Variants in SPTLC3 observed in about 807,000 individuals in gnomAD.
SPTLC3 encodes serine palmitoyltransferase long chain base subunit 3, also known as serine palmitoyltransferase 3.
In SPTLC3, 36 loss-of-function variants were observed where a neutral mutation model predicts 59.3. That is an observed-to-expected ratio of 0.61 (90% CI 0.47 to 0.80). SPTLC3 has a LOEUF of 0.80. SPTLC3 is among the 30% of genes least tolerant of loss of function. SPTLC3 has a pLI of 0.00. For synonymous variants in SPTLC3, 257 were observed against 240.8 expected (o/e 1.07, Z -0.62); for missense variants, 625 against 685.1 (o/e 0.91, Z 0.98).
At chr20:13,163,893 T>C (rs1267617080) in intron 11 of SPTLC3, among the ~76,000 whole-genome samples, 1 of 152,116 alleles carries the variant, frequency 6.6e-6, no homozygotes, top group Non-Finnish European at 1.5e-5. Context: ...GAATTGAAAA[T>C]GACCTTTTTT....
intron 6 of SPTLC3, among the ~76,000 whole-genome samples, chr20:13,103,510 G>A (rs558737280): frequency 2.0e-5 from 3 of 152,294 alleles, no homozygotes; most frequent in Admixed American, 6.5e-5. Flanking sequence ...TATGAGTGCC[G>A]CTGATAGGCA....
chr20:13,044,969 C>T (rs530342796), intron 1 of SPTLC3, among the ~76,000 whole-genome samples: 1 of 149,676 alleles, frequency 6.7e-6, no homozygotes, highest in South Asian at 2.1e-4. Flanking sequence ...ACATTTTGCT[C>T]TACATTATGG....
At chr20:13,089,694 G>C (rs1600268285) in intron 4 of SPTLC3, among the ~76,000 whole-genome samples, 1 of 149,732 alleles carries the variant, frequency 6.7e-6, no homozygotes, top group East Asian at 2.0e-4. Context: ...GCTGAGGCAG[G>C]AGAATTGATT....
intron 6 of SPTLC3, among the ~76,000 whole-genome samples, chr20:13,098,012 C>T (rs994618588): frequency 3.9e-5 from 6 of 152,180 alleles, no homozygotes; most frequent in African/African-American, 7.2e-5. Flanking sequence ...GATCATTTCA[C>T]CATAGTCCAG....
intron 7 of SPTLC3, among the ~76,000 whole-genome samples, chr20:13,114,043 G>A (rs1368916183): frequency 6.6e-6 from 1 of 152,160 alleles, no homozygotes; most frequent in African/African-American, 2.4e-5. Flanking sequence ...GGCAGAGCGG[G>A]GATTAAAACC....
At chr20:13,110,433 G>A (rs545282580) in intron 7 of SPTLC3, among the ~76,000 whole-genome samples, 15 of 152,276 alleles carry the variant, frequency 9.9e-5, no homozygotes, top group African/African-American at 2.9e-4. Context: ...GAGGCTGGCC[G>A]GCTTGTGAAG....
intron 6 of SPTLC3, among the ~76,000 whole-genome samples, chr20:13,108,802 A>G (rs1428731735): frequency 6.6e-6 from 1 of 152,094 alleles, no homozygotes; most frequent in African/African-American, 2.4e-5. Context: ...CCTGACCTCA[A>G]AGATTTAGCT....
chr20:13,061,631 CTG>C (rs1374808546), intron 2 of SPTLC3, among the ~76,000 whole-genome samples: 1 of 152,180 alleles, frequency 6.6e-6, no homozygotes, highest in African/African-American at 2.4e-5. Flanking sequence ...TGGACAAAAC[CTG>C]TGAGTCAGCT....
chr20:13,152,965 G>A (rs2038682921), intron 9 of SPTLC3, among the ~76,000 whole-genome samples: 1 of 152,194 alleles, frequency 6.6e-6, no homozygotes, highest in Admixed American at 6.5e-5. Context: ...CTCTAGAGCA[G>A]AATCTCTGAC....
intron 10 of SPTLC3, among the ~76,000 whole-genome samples, chr20:13,155,653 C>A (rs143237097): frequency 9.2e-4 from 140 of 152,046 alleles, no homozygotes; most frequent in African/African-American, 3.3e-3. Flanking sequence ...GGTGAAACCC[C>A]GTGTCTACAA....
At chr20:13,091,251 A>C in intron 5 of SPTLC3, 44 bp downstream of exon 5, 2 of 1,600,754 alleles carry the variant, frequency 1.2e-6, no homozygotes, top group Non-Finnish European at 1.7e-6. Context: ...ATTACTCCTA[A>C]GAACTGTAAC....
chr20:13,029,325 G>T (rs549907048), intron 1 of SPTLC3, among the ~76,000 whole-genome samples: 27 of 152,116 alleles, frequency 1.8e-4, no homozygotes, highest in African/African-American at 6.5e-4. Context: ...ACATCAGTTC[G>T]CTTTTGTTAA....
chr20:13,079,046 G>A (rs1402448230), intron 4 of SPTLC3, among the ~76,000 whole-genome samples: 1 of 151,880 alleles, frequency 6.6e-6, no homozygotes, highest in Non-Finnish European at 1.5e-5. Context: ...AAACACCTAG[G>A]GAATAAACTT....
chr20:13,127,520 A>C (rs561901517), intron 9 of SPTLC3, among the ~76,000 whole-genome samples: 1 of 152,218 alleles, frequency 6.6e-6, no homozygotes, highest in Non-Finnish European at 1.5e-5. Flanking sequence ...CAAGCCTGCT[A>C]TTTCAGTAGA....
intron 9 of SPTLC3, among the ~76,000 whole-genome samples, chr20:13,144,106 A>C (rs1382464276): frequency 6.6e-6 from 1 of 152,094 alleles, no homozygotes; most frequent in Non-Finnish European, 1.5e-5. Context: ...AACTCTACTG[A>C]TCTTTCCCAT....
intron 1 of SPTLC3, among the ~76,000 whole-genome samples, chr20:13,011,712 T>TTA (rs1568562251): frequency 6.6e-6 from 1 of 151,174 alleles, no homozygotes; most frequent in Non-Finnish European, 1.5e-5. Context: ...CTGGAGCTTT[T>TTA]ATGGAGCCTG....
chr20:13,094,659 G>A (rs1989349799), intron 6 of SPTLC3, among the ~76,000 whole-genome samples: 2 of 152,146 alleles, frequency 1.3e-5, no homozygotes, highest in African/African-American at 2.4e-5. Context: ...GTCCCATGGG[G>A]GAGGAAAGAA....
intron 9 of SPTLC3, among the ~76,000 whole-genome samples, chr20:13,135,242 T>C (rs995763016): frequency 2.6e-5 from 4 of 152,200 alleles, no homozygotes; most frequent in Non-Finnish European, 4.4e-5. Context: ...AAATCCACAA[T>C]GGGCAACACT....
chr20:13,068,449 G>A (rs1988311634), intron 2 of SPTLC3, among the ~76,000 whole-genome samples: 1 of 152,116 alleles, frequency 6.6e-6, no homozygotes, highest in Non-Finnish European at 1.5e-5. Context: ...AAATGCTGTG[G>A]GAAGCTTCTC....
Sources: gnomAD v4.1 joint callset for allele counts (sites outside exome capture counted in the v4.1 genomes callset) on GRCh38, gnomAD v4.1.1 for gene constraint, MANE v1.5 for transcripts, NCBI Gene and HGNC (gene_info 2026-07-23, HGNC 2026-07-21) for gene names.